Variants in KLHDC8A observed in about 807,000 individuals in gnomAD.
KLHDC8A encodes the protein kelch domain-containing protein 8A.
A neutral mutation model predicts 33.1 loss-of-function variants in KLHDC8A; 21 were observed. The observed-to-expected ratio is 0.64, with a 90% CI of 0.45 to 0.91. KLHDC8A has a LOEUF of 0.91. Ranked by LOEUF, KLHDC8A falls within the 40% of genes least tolerant of loss-of-function variation. KLHDC8A has a pLI of 0.00. For synonymous variants in KLHDC8A, 173 were observed against 193.5 expected (o/e 0.89, Z 0.88); for missense variants, 435 against 483.3 (o/e 0.90, Z 0.94).
chr1:205,356,430 TG>T lies in KLHDC8A; in HGVS notation c.-190+102del, dbSNP rs1475120231. ...TGACCCCCATGCCAGCCTGTCTACC[TG>T]GGCAGCCCTCCTCTCACAGACACCA... On this transcript the variant is annotated intron_variant, in intron 1 of 5. Transcript: ENST00000367155. The T allele has an allele frequency of 9.4e-6, 4 of 427,578 alleles. No individual in the cohort carries two copies. In the East Asian group the frequency reaches 2.2e-4, roughly 24 times the overall value. 26.5% of individuals were successfully genotyped at this position (427,578 alleles called of 1,614,324 possible).
At chr1:205,353,558 C>T (rs1446049660) in intron 1 of KLHDC8A, among the ~76,000 whole-genome samples, 1 of 152,148 alleles carries the variant, frequency 6.6e-6, no homozygotes, top group African/African-American at 2.4e-5. Flanking sequence ...TTGTGTGATA[C>T]AAGGTCTCAC....
At chr1:205,337,687 G>A in intron 5 of KLHDC8A, 95 bp from the exon 6 acceptor site, 1 of 839,796 alleles carries the variant, frequency 1.2e-6, no homozygotes, top group South Asian at 1.7e-5. Context: ...GCACCCACAA[G>A]CAGAAGCCAA....
chr1:205,350,811 A>ATGTGTGTGTGCATGCG (rs1553384971), intron 1 of KLHDC8A, among the ~76,000 whole-genome samples: 6 of 150,858 alleles, frequency 4.0e-5, no homozygotes, highest in African/African-American at 7.3e-5. Context: ...CTGTGTGTGC[A>ATGTGTGTGTGCATGCG]TGTGTGTGTG....
chr1:205,337,102 A>G lies in KLHDC8A; in HGVS notation c.*297T>C, dbSNP rs1484593330. ...ATGGGGGTGGGGGGAGGTGGGACTC[A>G]CAGGAGGGAGAGGTAGGAAATATTC... On this transcript the variant is annotated 3_prime_UTR_variant, in exon 6 of 6. Coordinates refer to ENST00000367155, the MANE Select transcript of KLHDC8A (RefSeq NM_018203.3). 7.9e-6 allele frequency: 3 copies of G among 380,330 alleles called. No homozygotes were observed. The highest frequency in any genetic ancestry group is 6.4e-5 in the African/African-American group (3 of 47,216). 23.6% of individuals were successfully genotyped at this position (380,330 alleles called of 1,614,324 possible). A position where few individuals can be genotyped will look rare whatever the true frequency, so the allele number is the denominator to read the frequency against.
chr1:205,338,708 T>G, intron 4 of KLHDC8A, 112 bp from the exon 5 acceptor site: 1 of 779,334 alleles, frequency 1.3e-6, no homozygotes, highest in Non-Finnish European at 2.1e-6. Flanking sequence ...GTCTTCACTC[T>G]ATTTATCCTT....
chr1:205,337,660 C>A, intron 5 of KLHDC8A, 68 bp from the exon 6 acceptor site: 2 of 1,177,536 alleles, frequency 1.7e-6, no homozygotes, highest in Non-Finnish European at 2.4e-6. Flanking sequence ...CACGGTCACC[C>A]CACCTCCCTC....
intron 1 of KLHDC8A, among the ~76,000 whole-genome samples, chr1:205,355,816 T>C (rs1231522920): frequency 6.6e-6 from 1 of 152,222 alleles, no homozygotes; most frequent in African/African-American, 2.4e-5. Context: ...TATTCTTTCT[T>C]ACCAGATGGT....
At chr1:205,355,964 T>G (rs1663255827) in intron 1 of KLHDC8A, among the ~76,000 whole-genome samples, 1 of 152,226 alleles carries the variant, frequency 6.6e-6, no homozygotes, top group Non-Finnish European at 1.5e-5. Flanking sequence ...CCCAGGGGCA[T>G]GTGCGCAGGT....
At chr1:205,349,760 C>T (rs1193008777) in intron 1 of KLHDC8A, among the ~76,000 whole-genome samples, 3 of 152,174 alleles carry the variant, frequency 2.0e-5, no homozygotes, top group African/African-American at 4.8e-5. Flanking sequence ...TGAGAGGCCA[C>T]GGAGCTGCCT....
intron 1 of KLHDC8A, among the ~76,000 whole-genome samples, chr1:205,349,715 A>G (rs369533316): frequency 6.6e-6 from 1 of 152,334 alleles, no homozygotes; most frequent in African/African-American, 2.4e-5. Flanking sequence ...CTGACCAGCA[A>G]TGTCAGAAAC....
intron 1 of KLHDC8A, among the ~76,000 whole-genome samples, chr1:205,345,855 A>T (rs916009839): frequency 6.6e-6 from 1 of 152,068 alleles, no homozygotes; most frequent in Non-Finnish European, 1.5e-5. Context: ...TACGTGGATC[A>T]CCTGAGGTCA....
Position 205,336,402 on chromosome 1 carries a change from G to C in KLHDC8A, c.*997C>G, listed in dbSNP as rs1211296985. On this transcript the variant is annotated 3_prime_UTR_variant, in exon 6 of 6. Coordinates refer to ENST00000367155, the MANE Select transcript of KLHDC8A (RefSeq NM_018203.3). ...TCTTCAGAGGGGACAGCCAAGAACA[G>C]GTAGTCACTGGGGGCCCTATTTAGC... The C allele has an allele frequency of 1.3e-5, 2 of 152,666 alleles. No individual in the cohort carries two copies. Among genetic ancestry groups the C allele is most frequent in the Admixed American group, 1.3e-4 (2 of 15,286 alleles). The allele number at this position is 152,666 out of a possible 1,614,324, so 9.5% of individuals were successfully genotyped here.
intron 2 of KLHDC8A, among the ~76,000 whole-genome samples, chr1:205,340,765 A>G (rs746618926): frequency 4.6e-5 from 7 of 152,198 alleles, no homozygotes; most frequent in African/African-American, 7.2e-5. Flanking sequence ...ATGAGCCACC[A>G]CGCCTGGCTT....
At chr1:205,343,108 T>A in intron 2 of KLHDC8A, 121 bp downstream of exon 2, 1 of 1,366,054 alleles carries the variant, frequency 7.3e-7, no homozygotes, top group Non-Finnish European at 9.9e-7. Flanking sequence ...ACGCATGGGG[T>A]CTGCAGAAAT....
Position 205,337,271 on chromosome 1 carries a change from C to A in KLHDC8A, c.*128G>T. 6.8e-6 allele frequency: 5 copies of A among 735,518 alleles called. No homozygotes were observed. The highest frequency in any genetic ancestry group is 1.1e-5 in the Non-Finnish European group (5 of 435,068). The allele number at this position is 735,518 out of a possible 1,614,324, so 45.6% of individuals were successfully genotyped here. A position where few individuals can be genotyped will look rare whatever the true frequency, so the allele number is the denominator to read the frequency against. ...AGAGGTCAACTTAGAGCCCCAAGGC[C>A]AGACTCCACTGGTTGCTAACAGGAG... is the stretch of plus-strand genomic sequence containing the variant. On this transcript the variant is annotated 3_prime_UTR_variant, in exon 6 of 6. Coordinates refer to ENST00000367155, the MANE Select transcript of KLHDC8A (RefSeq NM_018203.3).
At chr1:205,355,508 C>G (rs1046409086) in intron 1 of KLHDC8A, among the ~76,000 whole-genome samples, 1 of 152,160 alleles carries the variant, frequency 6.6e-6, no homozygotes, top group African/African-American at 2.4e-5. Flanking sequence ...ACACTACATT[C>G]TTTACATATT....
At position 205,337,675 on chromosome 1, in the gene KLHDC8A, C is replaced by A. The variant is rs142574812; in HGVS notation, c.860-83G>T. The stretch of plus-strand genomic sequence containing the variant: ...CACGGTCACCCCACCTCCCTCCCTT[C>A]GGCACCCACAAGCAGAAGCCAAGCA... On this transcript the variant is annotated intron_variant, in intron 5 of 5. Transcript: ENST00000367155. 2.3e-4 allele frequency: 228 copies of A among 973,540 alleles called. No homozygotes were observed. The African/African-American group carries it at 3.5e-3, about 15-fold the overall frequency. The allele number at this position is 973,540 out of a possible 1,614,324, so 60.3% of individuals were successfully genotyped here.
At position 205,338,599 on chromosome 1, in the gene KLHDC8A, A is replaced by G. The variant is rs891995933; in HGVS notation, c.758-3T>C. The G allele has an allele frequency of 6.2e-7, 1 of 1,612,602 alleles. No individual in the cohort carries two copies. Among genetic ancestry groups the G allele is most frequent in the Non-Finnish European group, 8.5e-7 (1 of 1,178,660 alleles). On this transcript the variant is annotated splice_region_variant and splice_polypyrimidine_tract_variant and intron_variant, in intron 4 of 5. Coordinates refer to ENST00000367155, the MANE Select transcript of KLHDC8A (RefSeq NM_018203.3). ...TCGTTCCATCTTCAGCCATCCCCCT[A>G]TAGGCCATGGATAATGGTGGGTTAT...
chr1:205,349,317 A>G (rs905346583), intron 1 of KLHDC8A, among the ~76,000 whole-genome samples: 36 of 152,300 alleles, frequency 2.4e-4, no homozygotes, highest in African/African-American at 7.0e-4. Flanking sequence ...ACATTCCTTC[A>G]GCTATCCTCC....
Sources: gnomAD v4.1 joint callset for allele counts (sites outside exome capture counted in the v4.1 genomes callset) on GRCh38, gnomAD v4.1.1 for gene constraint, MANE v1.5 for transcripts, NCBI Gene and HGNC (gene_info 2026-07-23, HGNC 2026-07-21) for gene names.